Variants in C21orf58 observed in about 807,000 individuals in gnomAD.
C21orf58 encodes uncharacterized protein C21orf58.
In C21orf58, 34 loss-of-function variants were observed where a neutral mutation model predicts 35.8. The ratio of observed to expected loss-of-function variants is 0.95; its 90% CI spans 0.72 to 1.26. The LOEUF (loss-of-function observed/expected upper bound fraction) is 1.26, where lower values mean the gene tolerates loss of function less well. Ranked by LOEUF, C21orf58 falls within the 50% of genes most tolerant of loss-of-function variation. C21orf58 has a pLI of 0.00. For missense variants in C21orf58, 440 were observed against 414.3 expected (o/e 1.06, Z -0.54); for synonymous variants, 191 against 175.8 (o/e 1.09, Z -0.68).
intron 5 of C21orf58, among the ~76,000 whole-genome samples, chr21:46,312,058 A>ACCAC (rs1569129119): frequency 5.2e-5 from 6 of 115,006 alleles, no homozygotes; most frequent in African/African-American, 9.9e-5. Flanking sequence ...CAACCAACCA[A>ACCAC]CCACCCACCC....
In C21orf58 at chr21:46,301,455, G is replaced by A. The variant is rs987899738; in HGVS notation, c.*544C>T. 2 of 960,346 alleles carry A rather than the reference G, an allele frequency of 2.1e-6. No homozygotes were observed. Among genetic ancestry groups the A allele is most frequent in the Non-Finnish European group, 1.2e-6 (1 of 821,068 alleles). 59.5% of individuals were successfully genotyped at this position (960,346 alleles called of 1,614,324 possible). A position where few individuals can be genotyped will look rare whatever the true frequency, so the allele number is the denominator to read the frequency against. The stretch of plus-strand genomic sequence containing the variant: ...AGCCATGCACCCCTACTTCTTTAGT[G>A]GGAGTCTGTGCCACAGCTGTGGACA... On this transcript the variant is annotated 3_prime_UTR_variant, in exon 8 of 8. Transcript: ENST00000291691.
Position 46,301,833 on chromosome 21 carries a change from A to G in C21orf58, c.*166T>C. 7.9e-7 allele frequency: 1 copy of G among 1,266,814 alleles called. No individual in the cohort carries two copies. Among genetic ancestry groups the G allele is most frequent in the South Asian group, 3.1e-5 (1 of 32,564 alleles). 78.5% of individuals were successfully genotyped at this position (1,266,814 alleles called of 1,614,324 possible). ...GGAATGGCCCCGTGACCAGAAAGCG[A>G]GCCTGCCCAGCTTCCCCAGGAGGAG... On this transcript the variant is annotated 3_prime_UTR_variant, in exon 8 of 8. Transcript: ENST00000291691.
chr21:46,304,419 G>A (rs780764603), intron 6 of C21orf58, among the ~76,000 whole-genome samples: 1 of 151,692 alleles, frequency 6.6e-6, no homozygotes, highest in Non-Finnish European at 1.5e-5. Flanking sequence ...CCCAGAAGTT[G>A]AGGCTGCAGC....
chr21:46,322,447 C>G, intron 1 of C21orf58, 192 bp downstream of exon 1: 1 of 984,230 alleles, frequency 1.0e-6, no homozygotes, highest in Non-Finnish European at 1.2e-6. Flanking sequence ...TATTGTAACA[C>G]GTAACAGTTG....
In C21orf58 at chr21:46,301,659, T is replaced by G; in HGVS notation, c.*340A>C. 1 of 1,110,880 alleles carries G rather than the reference T, an allele frequency of 9.0e-7. No individual in the cohort carries two copies. The highest frequency in any genetic ancestry group is 1.1e-6 in the Non-Finnish European group (1 of 910,740). The allele number at this position is 1,110,880 out of a possible 1,614,324, so 68.8% of individuals were successfully genotyped here. ...GCTGGTGGCGTCCACGGCCTCAACT[T>G]TACCTCCGTGATGGAAGAGGGGGAT... On this transcript the variant is annotated 3_prime_UTR_variant, in exon 8 of 8. Coordinates refer to ENST00000291691, the MANE Select transcript of C21orf58 (RefSeq NM_058180.5).
rs2145876452 is a variant in C21orf58 at position 46,301,633 on chromosome 21, G to A, written c.*366C>T. On this transcript the variant is annotated 3_prime_UTR_variant, in exon 8 of 8. Transcript: ENST00000291691. The stretch of plus-strand genomic sequence containing the variant: ...TCTGGATGAAATCTTTATTTCATCA[G>A]GCTGGTGGCGTCCACGGCCTCAACT... The A allele has an allele frequency of 9.4e-7, 1 of 1,065,804 alleles. No individual in the cohort carries two copies. The highest frequency in any genetic ancestry group is 4.5e-5 in the South Asian group (1 of 22,080). 66.0% of individuals were successfully genotyped at this position (1,065,804 alleles called of 1,614,324 possible).
At chr21:46,319,865 C>G (rs1177801846) in intron 1 of C21orf58, among the ~76,000 whole-genome samples, 1 of 151,728 alleles carries the variant, frequency 6.6e-6, no homozygotes, top group Non-Finnish European at 1.5e-5. Context: ...CCACAGCACT[C>G]CAGCCTGGGC....
At chr21:46,309,415 T>C (rs1416766471) in intron 6 of C21orf58, among the ~76,000 whole-genome samples, 2 of 151,106 alleles carry the variant, frequency 1.3e-5, no homozygotes, top group Non-Finnish European at 2.9e-5. Flanking sequence ...TGAGCCGAGA[T>C]TGCGCCACTT....
intron 1 of C21orf58, among the ~76,000 whole-genome samples, chr21:46,321,794 T>C (rs774314991): frequency 7.9e-5 from 12 of 152,132 alleles, no homozygotes; most frequent in Non-Finnish European, 8.8e-5. Flanking sequence ...CTCCTTTTCT[T>C]TATTGCACTC....
At position 46,314,761 on chromosome 21, in the gene C21orf58, G is replaced by A. The variant is rs537119416; in HGVS notation, c.564C>T (p.Ser188=). The A allele has an allele frequency of 1.3e-6, 2 of 1,510,960 alleles. No homozygotes were observed. The highest frequency in any genetic ancestry group is 2.1e-5 in the Admixed American group (1 of 48,272). The allele number at this position is 1,510,960 out of a possible 1,614,324, so 93.6% of individuals were successfully genotyped here. The change falls in exon 5 of 8, where the codon TCC becomes TCT. Residue 188 remains serine (S), a synonymous_variant. Transcript: ENST00000291691. ...LPPTGILPTA[S]PSPLAPDPPR... ...GCGGGTCTGGGGCCAGCGGGGATGGGGAGGCAGTGGGTAGGATGCCCGTGG... is the reference window on the plus strand; with the variant it reads ...GCGGGTCTGGGGCCAGCGGGGATGGAGAGGCAGTGGGTAGGATGCCCGTGG...
At chr21:46,308,562 T>C (rs2097428779) in intron 6 of C21orf58, among the ~76,000 whole-genome samples, 1 of 152,176 alleles carries the variant, frequency 6.6e-6, no homozygotes, top group South Asian at 2.1e-4. Flanking sequence ...GAGGCAGGAA[T>C]GTCCACGACA....
At chr21:46,305,446 C>T (rs943420921) in intron 6 of C21orf58, among the ~76,000 whole-genome samples, 2 of 151,466 alleles carry the variant, frequency 1.3e-5, no homozygotes, top group Non-Finnish European at 2.9e-5. Flanking sequence ...CCCCCCATCT[C>T]ATCCTCCCAA....
At chr21:46,313,606 G>C in intron 5 of C21orf58, among the ~76,000 whole-genome samples, 1 of 152,216 alleles carries the variant, frequency 6.6e-6, no homozygotes, top group African/African-American at 2.4e-5. Context: ...GGAAGATGGG[G>C]GGTCCACAGC....
chr21:46,317,313 AG>A (rs1569136049), intron 2 of C21orf58, 45 bp from the exon 3 acceptor site: 1 of 1,597,988 alleles, frequency 6.3e-7, no homozygotes, highest in Non-Finnish European at 8.5e-7. Context: ...CTCCACGCAA[AG>A]GCCCTGTGTG....
intron 6 of C21orf58, among the ~76,000 whole-genome samples, chr21:46,308,773 T>C (rs984530752): frequency 1.3e-5 from 2 of 152,114 alleles, no homozygotes; most frequent in African/African-American, 4.8e-5. Flanking sequence ...ATGAATGGAT[T>C]AATGCATACA....
Position 46,316,671 on chromosome 21 carries a change from C to T in C21orf58, c.370+537G>A, listed in dbSNP as rs142497330. ...CCAGGCACTGGTAGCCATTCTATTCCCTCGCACTGGCTCTGCAGTCAGGGG... is the reference window on the plus strand; with the variant it reads ...CCAGGCACTGGTAGCCATTCTATTCTCTCGCACTGGCTCTGCAGTCAGGGG... On this transcript the variant is annotated intron_variant, in intron 3 of 7. Coordinates refer to ENST00000291691, the MANE Select transcript of C21orf58 (RefSeq NM_058180.5). Among the ~76,000 whole-genome samples, 18 of 152,348 alleles carry T rather than the reference C, an allele frequency of 1.2e-4. No homozygotes were observed. The East Asian group carries it at 3.1e-3, about 26-fold the overall frequency.
chr21:46,304,536 T>C (rs1484985384), intron 6 of C21orf58, among the ~76,000 whole-genome samples: 2 of 150,336 alleles, frequency 1.3e-5, no homozygotes, highest in Non-Finnish European at 3.0e-5. Flanking sequence ...AATAAATATA[T>C]GAAAAAGTGA....
intron 6 of C21orf58, among the ~76,000 whole-genome samples, chr21:46,310,752 A>G (rs892462984): frequency 3.9e-5 from 6 of 152,008 alleles, no homozygotes; most frequent in East Asian, 3.9e-4. Context: ...AGAGGTTGCA[A>G]TGAGCTGAGA....
Position 46,302,130 on chromosome 21 carries a change from C to T in C21orf58, c.838G>A (p.Val280Ile), listed in dbSNP as rs2082131538. The T allele has an allele frequency of 6.6e-7, 1 of 1,510,680 alleles. No homozygotes were observed. Among genetic ancestry groups the T allele is most frequent in the Non-Finnish European group, 8.9e-7 (1 of 1,128,480 alleles). The allele number at this position is 1,510,680 out of a possible 1,614,324, so 93.6% of individuals were successfully genotyped here. A position where few individuals can be genotyped will look rare whatever the true frequency, so the allele number is the denominator to read the frequency against. The change falls in exon 8 of 8, where the codon GTC becomes ATC. Residue 280 changes from valine (V) to isoleucine (I), a missense_variant. Coordinates refer to ENST00000291691, the MANE Select transcript of C21orf58 (RefSeq NM_058180.5). ...LQDPPHVPPR[V>I]PRAARPRLPA... ...AGCCTTGGCCTGGCAGCTCGTGGGA[C>T]CCTCGGGGGCACATGTGGCGGGTCC...
Sources: gnomAD v4.1 joint callset for allele counts (sites outside exome capture counted in the v4.1 genomes callset) on GRCh38, gnomAD v4.1.1 for gene constraint, MANE v1.5 for transcripts, NCBI Gene and HGNC (gene_info 2026-07-23, HGNC 2026-07-21) for gene names.